ATP11C: variants seen among roughly 807,000 people sequenced by gnomAD.
ATP11C encodes ATPase phospholipid transporting 11C (ATP11C blood group), also known as phospholipid-transporting ATPase IG.
A neutral mutation model predicts 97.4 loss-of-function variants in ATP11C; 36 were observed. The observed-to-expected ratio is 0.37, with a 90% confidence interval of 0.28 to 0.49. The LOEUF is 0.49. Ranked by LOEUF, ATP11C falls within the 20% of genes least tolerant of loss-of-function variation. The pLI, the probability that ATP11C is intolerant of heterozygous loss-of-function variation, is 0.98. For synonymous variants in ATP11C, 275 were observed against 290.9 expected (o/e 0.95, Z 0.56); for missense variants, 730 against 824.6 (o/e 0.89, Z 1.40).
At chrX:139,761,363 G>A (rs369730855) in intron 22 of ATP11C, among the ~76,000 whole-genome samples, 10 of 111,811 alleles carry the variant, frequency 8.9e-5, no homozygotes, top group African/African-American at 3.2e-4. Context: ...GTGTATAAAA[G>A]TATAAAAAAA....
At chrX:139,833,397 C>T (rs1045225064) in intron 1 of ATP11C, among the ~76,000 whole-genome samples, 4 of 111,374 alleles carry the variant, frequency 3.6e-5, no homozygotes, top group African/African-American at 1.3e-4. Context: ...TAAAGGGTTT[C>T]GGGGCGGGGG....
At chrX:139,878,277 G>T (rs775158617) in intron 1 of ATP11C, among the ~76,000 whole-genome samples, 18 of 111,436 alleles carry the variant, frequency 1.6e-4, no homozygotes, top group African/African-American at 5.9e-4. Flanking sequence ...AATAATTATT[G>T]TTACCCTTGA....
chrX:139,922,979 T>A (rs2085291248), intron 1 of ATP11C, among the ~76,000 whole-genome samples: 1 of 110,749 alleles, frequency 9.0e-6, no homozygotes, highest in Non-Finnish European at 1.9e-5. Flanking sequence ...AGAGATGGGG[T>A]TTCACCATGT....
At chrX:139,766,246 A>C (rs1262908469) in intron 20 of ATP11C, among the ~76,000 whole-genome samples, 2 of 112,020 alleles carry the variant, frequency 1.8e-5, no homozygotes, top group African/African-American at 6.5e-5. Flanking sequence ...GAAATAAAAC[A>C]GAATGAGGAC....
At chrX:139,768,494 A>AT (rs1244905140) in intron 19 of ATP11C, 60 bp from the exon 20 acceptor site, 1,730 of 852,841 alleles carry the variant, frequency 2.0e-3, no homozygotes, top group South Asian at 2.7e-3. Flanking sequence ...TAGGATCCAG[A>AT]TTTTTTTTTT....
At chrX:139,756,968 T>TAAAAAAAAA (rs756085784) in intron 23 of ATP11C, among the ~76,000 whole-genome samples, 1 of 37,293 alleles carries the variant, frequency 2.7e-5, no homozygotes, top group Non-Finnish European at 5.3e-5. Flanking sequence ...AACCTAAAAG[T>TAAAAAAAAA]AAAAAAAAAA....
chrX:139,745,700 T>C (rs766656474), intron 25 of ATP11C, 22 bp downstream of exon 25: 13 of 1,193,379 alleles, frequency 1.1e-5, no homozygotes, highest in Non-Finnish European at 1.1e-6. Flanking sequence ...TACCAAAAGA[T>C]GTAATGACAG....
At chrX:139,871,854 T>C (rs867499585) in intron 1 of ATP11C, among the ~76,000 whole-genome samples, 4 of 111,389 alleles carry the variant, frequency 3.6e-5, no homozygotes, top group Middle Eastern at 4.6e-3. Flanking sequence ...TAACCACATA[T>C]AATACTTTTT....
At chrX:139,842,780 T>C (rs1308332671) in intron 1 of ATP11C, among the ~76,000 whole-genome samples, 2 of 112,079 alleles carry the variant, frequency 1.8e-5, no homozygotes, top group Non-Finnish European at 3.8e-5. Flanking sequence ...AATCTTTGTA[T>C]AATTCACACG....
intron 16 of ATP11C, 72 bp downstream of exon 16, chrX:139,785,154 C>A: frequency 1.2e-6 from 1 of 809,887 alleles, no homozygotes; most frequent in Non-Finnish European, 1.8e-6. Flanking sequence ...GATTCTCTTT[C>A]CTGAAAGAGT....
At chrX:139,739,249 C>T (rs906018226) in intron 27 of ATP11C, among the ~76,000 whole-genome samples, 6 of 110,381 alleles carry the variant, frequency 5.4e-5, no homozygotes, top group Non-Finnish European at 5.7e-5. Flanking sequence ...CAGAGTGTTC[C>T]TTGGCATCAT....
chrX:139,870,287 T>C (rs1408137621), intron 1 of ATP11C, among the ~76,000 whole-genome samples: 1 of 112,277 alleles, frequency 8.9e-6, no homozygotes. Context: ...ATACAGTACA[T>C]TGGTGATCAT....
chrX:139,814,541 A>ATGAAATGCTGCTATATAC (rs771032666), intron 5 of ATP11C, among the ~76,000 whole-genome samples: 1 of 112,258 alleles, frequency 8.9e-6, no homozygotes, highest in Non-Finnish European at 1.9e-5. Flanking sequence ...ATCAAAAGGA[A>ATGAAATGCTGCTATATAC]TGAAATGCTG....
chrX:139,861,008 G>A (rs1035345259), intron 1 of ATP11C, among the ~76,000 whole-genome samples: 2 of 111,461 alleles, frequency 1.8e-5, no homozygotes, highest in African/African-American at 3.3e-5. Context: ...GCATTTCTAC[G>A]CCCCAATGCC....
At chrX:139,922,667 A>G (rs1280554760) in intron 1 of ATP11C, among the ~76,000 whole-genome samples, 1 of 111,222 alleles carries the variant, frequency 9.0e-6, no homozygotes, top group Non-Finnish European at 1.9e-5. Flanking sequence ...TGCGACGTGA[A>G]GCCCCCTCAC....
At chrX:139,762,834 C>T (rs900777083) in intron 21 of ATP11C, among the ~76,000 whole-genome samples, 1 of 111,200 alleles carries the variant, frequency 9.0e-6, no homozygotes, top group African/African-American at 3.3e-5. Context: ...GCTGTTGTTG[C>T]ATGTCAATAT....
chrX:139,877,107 G>A (rs2084486739), intron 1 of ATP11C, among the ~76,000 whole-genome samples: 2 of 111,855 alleles, frequency 1.8e-5, no homozygotes, highest in Non-Finnish European at 3.8e-5. Flanking sequence ...TTCCCCAAAT[G>A]GCTGAGCCTC....
At chrX:139,852,316 G>A (rs1488406209) in intron 1 of ATP11C, among the ~76,000 whole-genome samples, 1 of 106,342 alleles carries the variant, frequency 9.4e-6, no homozygotes, top group African/African-American at 3.4e-5. Context: ...TGACAATTTG[G>A]GGGCCCATCT....
chrX:139,869,674 A>T (rs1480244214), intron 1 of ATP11C, among the ~76,000 whole-genome samples: 2 of 105,639 alleles, frequency 1.9e-5, no homozygotes, highest in African/African-American at 6.8e-5. Context: ...TATGCCTGTA[A>T]TCCCAGCTAC....
Sources: gnomAD v4.1 joint callset for allele counts (sites outside exome capture counted in the v4.1 genomes callset) on GRCh38, gnomAD v4.1.1 for gene constraint, MANE v1.5 for transcripts, NCBI Gene and HGNC (gene_info 2026-07-23, HGNC 2026-07-21) for gene names.